NSRP1: variants seen among roughly 807,000 people sequenced by gnomAD.
NSRP1 encodes coiled-coil domain containing 55.
A neutral mutation model predicts 54.7 loss-of-function variants in NSRP1; 24 were observed. The observed-to-expected ratio is 0.44, with a 90% CI of 0.32 to 0.62. The LOEUF is 0.62. NSRP1 is among the 20% of genes least tolerant of loss of function. The pLI is 0.06. For synonymous variants in NSRP1, 210 were observed against 213.8 expected, an observed-to-expected ratio of 0.98 and a Z score of 0.15; for missense variants, 596 against 651.2, an observed-to-expected ratio of 0.92 and a Z score of 0.92.
At chr17:30,176,002 C>A (rs1597620270) in intron 3 of NSRP1, among the ~76,000 whole-genome samples, 2 of 38,044 alleles carry the variant, frequency 5.3e-5, no homozygotes, top group Non-Finnish European at 1.0e-4. Context: ...GACTCCGAAC[C>A]CCCCCCCCAA....
chr17:30,164,269 T>G (rs924134885), intron 2 of NSRP1, among the ~76,000 whole-genome samples: 3 of 152,214 alleles, frequency 2.0e-5, no homozygotes, highest in Non-Finnish European at 4.4e-5. Flanking sequence ...TTTACTGAAT[T>G]AAGTTAAAAC....
intron 3 of NSRP1, among the ~76,000 whole-genome samples, chr17:30,177,380 A>G (rs2143009630): frequency 6.6e-6 from 1 of 152,008 alleles, no homozygotes; most frequent in South Asian, 2.1e-4. Flanking sequence ...CGCTTTAAAA[A>G]AAAAAAAAAT....
chr17:30,154,800 A>C (rs1054033108), intron 2 of NSRP1, among the ~76,000 whole-genome samples: 1 of 152,136 alleles, frequency 6.6e-6, no homozygotes, highest in Non-Finnish European at 1.5e-5. Flanking sequence ...AGATTTGGGA[A>C]TATTTGTATT....
At chr17:30,120,216 C>T (rs912426114) in intron 2 of NSRP1, among the ~76,000 whole-genome samples, 2 of 152,010 alleles carry the variant, frequency 1.3e-5, no homozygotes, top group Non-Finnish European at 2.9e-5. Context: ...GTTGTAGAAT[C>T]ACATTTTTCT....
At chr17:30,181,607 T>TG (rs1475838299) in intron 6 of NSRP1, among the ~76,000 whole-genome samples, 3 of 149,702 alleles carry the variant, frequency 2.0e-5, no homozygotes, top group East Asian at 1.9e-4. Flanking sequence ...GTTTTTTTTT[T>TG]TTGTTTTTTT....
chr17:30,148,241 AC>A (rs1314647543), intron 2 of NSRP1, among the ~76,000 whole-genome samples: 1 of 152,210 alleles, frequency 6.6e-6, no homozygotes, highest in African/African-American at 2.4e-5. Context: ...TAAATGTTAA[AC>A]CATTCTTGAA....
At chr17:30,166,773 A>C (rs1303537594) in intron 2 of NSRP1, among the ~76,000 whole-genome samples, 2 of 152,112 alleles carry the variant, frequency 1.3e-5, no homozygotes, top group Admixed American at 1.3e-4. Context: ...AAATACAAAA[A>C]AAATTAGCCA....
intron 3 of NSRP1, among the ~76,000 whole-genome samples, chr17:30,176,040 A>C (rs551824989): frequency 2.0e-5 from 3 of 151,264 alleles, no homozygotes; most frequent in African/African-American, 7.3e-5. Context: ...AATGTTCTCT[A>C]TGTGTCCATT....
chr17:30,122,367 A>T (rs1180953586), intron 2 of NSRP1: 1 of 19,068 alleles, frequency 5.2e-5, no homozygotes, highest in African/African-American at 1.3e-4. Context: ...ATATATATAT[A>T]TATATATATA....
At chr17:30,117,317 A>C in intron 1 of NSRP1, 1 of 569,696 alleles carries the variant, frequency 1.8e-6, no homozygotes, top group Non-Finnish European at 3.1e-6. Flanking sequence ...TTGTTCTGAG[A>C]AGCCACAGAA....
At chr17:30,135,713 A>T (rs1597599202) in intron 2 of NSRP1, among the ~76,000 whole-genome samples, 1 of 132,362 alleles carries the variant, frequency 7.6e-6, no homozygotes, top group Non-Finnish European at 1.6e-5. Flanking sequence ...TGACCTAGTG[A>T]CCCGCCTCGG....
intron 2 of NSRP1, among the ~76,000 whole-genome samples, chr17:30,127,273 GC>G (rs2071658454): frequency 6.6e-6 from 1 of 152,142 alleles, no homozygotes; most frequent in Non-Finnish European, 1.5e-5. Context: ...ATAAATGCCT[GC>G]CCATTTTGCA....
rs1053049493 is a variant in NSRP1 at position 30,122,527 on chromosome 17, CCTGAGTAG to C, written c.114+4358_114+4365del. On this transcript the variant is annotated intron_variant, in intron 2 of 6. Coordinates refer to ENST00000247026, the MANE Select transcript of NSRP1 (RefSeq NM_032141.4). ...TCAAGCAATTCTCCCGCCTCAGCCT[CCTGAGTAG>C]CTGGGATTACAGGCGTGTGCCACCA... The C allele has an allele frequency of 1.9e-4, 28 of 147,790 alleles. No individual in the cohort carries two copies. The East Asian group carries it at 3.9e-3, about 21-fold the overall frequency. 9.2% of individuals were successfully genotyped at this position (147,790 alleles called of 1,614,324 possible).
At chr17:30,178,846 T>A (rs1321122328) in intron 4 of NSRP1, among the ~76,000 whole-genome samples, 2 of 151,954 alleles carry the variant, frequency 1.3e-5, no homozygotes, top group Non-Finnish European at 2.9e-5. Flanking sequence ...AAGAAAAAAA[T>A]TATATTTAGT....
At chr17:30,182,999 G>A (rs914737232) in intron 6 of NSRP1, among the ~76,000 whole-genome samples, 4 of 151,836 alleles carry the variant, frequency 2.6e-5, no homozygotes, top group East Asian at 1.9e-4. Context: ...TGATCACAGC[G>A]GCCACATTTC....
At chr17:30,117,478 CT>C in intron 1 of NSRP1, 1 of 423,040 alleles carries the variant, frequency 2.4e-6, no homozygotes, top group Non-Finnish European at 4.2e-6. Flanking sequence ...ACGTGAGAAA[CT>C]AAAGGAGTTG....
chr17:30,176,941 A>G (rs920728764), intron 3 of NSRP1, among the ~76,000 whole-genome samples: 3 of 152,238 alleles, frequency 2.0e-5, no homozygotes, highest in South Asian at 2.1e-4. Flanking sequence ...ATATCATCCT[A>G]TCACTTAAAA....
chr17:30,152,763 A>G (rs1372665548), intron 2 of NSRP1, among the ~76,000 whole-genome samples: 5 of 151,584 alleles, frequency 3.3e-5, no homozygotes, highest in Non-Finnish European at 7.4e-5. Context: ...TTTCTTCTTG[A>G]TCTGTTCCTC....
chr17:30,129,768 A>G (rs563325741), intron 2 of NSRP1, among the ~76,000 whole-genome samples: 1 of 152,330 alleles, frequency 6.6e-6, no homozygotes, highest in African/African-American at 2.4e-5. Flanking sequence ...AGTCTAGTAT[A>G]GTTCAAATAA....
Sources: allele counts gnomAD v4.1 joint callset (sites outside exome capture counted in the v4.1 genomes callset), GRCh38; gene constraint gnomAD v4.1.1; transcripts MANE v1.5; gene names NCBI Gene and HGNC (gene_info 2026-07-23, HGNC 2026-07-21).